Variants in CEP57 observed in about 807,000 individuals in gnomAD.
CEP57 encodes centrosomal protein 57.
CEP57 carries 40 observed loss-of-function variants against 68.0 expected under a neutral mutation model. That is an observed-to-expected ratio of 0.59 (90% CI 0.46 to 0.77). The LOEUF is 0.77. Ranked by LOEUF, CEP57 falls within the 30% of genes least tolerant of loss-of-function variation. CEP57 has a pLI of 0.00. For missense variants in CEP57, 606 were observed against 580.7 expected (o/e 1.04, Z -0.45); for synonymous variants, 219 against 198.7 (o/e 1.10, Z -0.86).
At chr11:95,822,148 C>T in intron 7 of CEP57, 170 bp downstream of exon 7, 2 of 630,126 alleles carry the variant, frequency 3.2e-6, no homozygotes, top group Non-Finnish European at 2.8e-6. Context: ...AATTTTTATC[C>T]TGATAGTGAG....
In CEP57 at chr11:95,814,197, C is replaced by T. The variant is rs561857988; in HGVS notation, c.504+608C>T. On this transcript the variant is annotated intron_variant, in intron 4 of 10. Coordinates refer to ENST00000325542, the MANE Select transcript of CEP57 (RefSeq NM_014679.5). ...CCTCCCGAGTAGCTGGGATTACAGG[C>T]GCATGCCACGATGCCCAGCTAACTT... Among the ~76,000 whole-genome samples, 4 of 152,050 alleles carry T rather than the reference C, an allele frequency of 2.6e-5. No individual in the cohort carries two copies. The South Asian group carries it at 6.2e-4, about 24-fold the overall frequency.
chr11:95,808,282 A>G (rs1861898989), intron 2 of CEP57, among the ~76,000 whole-genome samples: 1 of 152,194 alleles, frequency 6.6e-6, no homozygotes, highest in Non-Finnish European at 1.5e-5. Flanking sequence ...TGTAAAGACC[A>G]TCGAGACTAG....
At chr11:95,824,193 C>T (rs558300089) in intron 8 of CEP57, among the ~76,000 whole-genome samples, 2 of 151,466 alleles carry the variant, frequency 1.3e-5, no homozygotes, top group South Asian at 2.1e-4. Flanking sequence ...CTGTAGTAAG[C>T]GATGATGGCA....
Position 95,829,285 on chromosome 11 carries a change from A to G in CEP57, c.1226A>G (p.Glu409Gly). 1 of 1,614,124 alleles carries G rather than the reference A, an allele frequency of 6.2e-7. No individual in the cohort carries two copies. The highest frequency in any genetic ancestry group is 8.5e-7 in the Non-Finnish European group (1 of 1,180,002). The change falls in exon 10 of 11, where the codon GAA (glutamate) becomes GGA (glycine). Residue 409 changes from glutamate to glycine, a missense_variant. Coordinates refer to ENST00000325542, the MANE Select transcript of CEP57 (RefSeq NM_014679.5). ...TTGGAGGCATTAGTGGGAAGGATGG[A>G]AGCAAAAGCCAACCAAATAACTAAA... ...CELEALVGRM[E>G]AKANQITKVR...
At chr11:95,805,320 TA>T (rs1452975781) in intron 2 of CEP57, among the ~76,000 whole-genome samples, 1 of 152,214 alleles carries the variant, frequency 6.6e-6, no homozygotes, top group African/African-American at 2.4e-5. Flanking sequence ...ATTAATCTTA[TA>T]TTTAGGCTTC....
intron 1 of CEP57, chr11:95,795,520 C>G: frequency 2.0e-6 from 1 of 495,338 alleles, no homozygotes; most frequent in Non-Finnish European, 3.6e-6. Context: ...TCTTAGTGTG[C>G]AGACTAGGGA....
chr11:95,830,839 T>C (rs2135382915), intron 10 of CEP57, among the ~76,000 whole-genome samples, 187 bp from the exon 11 acceptor site: 1 of 151,726 alleles, frequency 6.6e-6, no homozygotes, highest in African/African-American at 2.4e-5. Context: ...TTATTTATAT[T>C]AATATTTAAG....
chr11:95,812,608 A>G (rs907848866), intron 2 of CEP57, among the ~76,000 whole-genome samples: 2 of 151,614 alleles, frequency 1.3e-5, no homozygotes, highest in African/African-American at 4.9e-5. Context: ...ATGCCTGCCT[A>G]ATTTTTTTTA....
chr11:95,794,551 T>C (rs1041532711), intron 1 of CEP57, among the ~76,000 whole-genome samples: 1 of 152,138 alleles, frequency 6.6e-6, no homozygotes, highest in South Asian at 2.1e-4. Context: ...TGCACCCTGT[T>C]TTTTTCAAAC....
intron 8 of CEP57, 133 bp from the exon 9 acceptor site, chr11:95,827,653 G>C (rs1385690304): frequency 4.0e-6 from 4 of 991,504 alleles, no homozygotes; most frequent in Non-Finnish European, 6.1e-6. Context: ...AGAACATCAT[G>C]ATGAGAATAA....
At chr11:95,830,512 A>G (rs1862955767) in intron 10 of CEP57, among the ~76,000 whole-genome samples, 2 of 152,346 alleles carry the variant, frequency 1.3e-5, no homozygotes, top group South Asian at 4.1e-4. Flanking sequence ...ATAATGGAAC[A>G]AAAATAAAAT....
chr11:95,818,720 C>G, intron 5 of CEP57, 107 bp from the exon 6 acceptor site: 1 of 843,580 alleles, frequency 1.2e-6, no homozygotes, highest in East Asian at 2.6e-5. Flanking sequence ...ATCTAACCAC[C>G]TTATATTGAG....
chr11:95,790,320 C>T (rs966225676), upstream of CEP57: 4 of 348,796 alleles, frequency 1.1e-5, no homozygotes, highest in African/African-American at 2.1e-5. Flanking sequence ...TGGAGGAGGC[C>T]CGACCCTCCG....
chr11:95,808,849 C>T lies in CEP57; in HGVS notation c.203-4083C>T, dbSNP rs186812770. Among the ~76,000 whole-genome samples, 13 of 152,254 alleles carry T rather than the reference C, an allele frequency of 8.5e-5. No individual in the cohort carries two copies. The East Asian group carries it at 9.6e-4, about 11-fold the overall frequency. ...GAATTGAACTTGGTTCTGCACCGAG[C>T]GAACCTAATAGACATCTACAGAACT... On this transcript the variant is annotated intron_variant, in intron 2 of 10. Transcript: ENST00000325542.
chr11:95,821,962 C>T lies in CEP57; in HGVS notation c.791C>T (p.Ser264Leu). The T allele has an allele frequency of 6.2e-7, 1 of 1,611,668 alleles. No homozygotes were observed. Among genetic ancestry groups the T allele is most frequent in the Non-Finnish European group, 8.5e-7 (1 of 1,178,672 alleles). Residue 264 changes from serine (S) to leucine (L), a missense_variant, in exon 7 of 11, where the codon TCA becomes TTA. Coordinates refer to ENST00000325542, the MANE Select transcript of CEP57 (RefSeq NM_014679.5). ...PNARRIKKKK[S>L]KPPEKKSSRN... ...GCAAGAAGAATTAAAAAAAAGAAGT[C>T]AAAACCACCAGAAAAGGTGTGAAGA...
At chr11:95,795,559 T>A in intron 1 of CEP57, 1 of 546,062 alleles carries the variant, frequency 1.8e-6, no homozygotes, top group Non-Finnish European at 3.3e-6. Flanking sequence ...CCAGAATTGA[T>A]GTAGGTATCT....
chr11:95,790,393 C>T, upstream of CEP57: 1 of 495,906 alleles, frequency 2.0e-6, no homozygotes, highest in East Asian at 3.5e-5. Context: ...CCCCGTTACG[C>T]GCTACCTTGT....
At position 95,831,597 on chromosome 11, in the gene CEP57, G is replaced by T. The variant is rs1863010212; in HGVS notation, c.*341G>T. 1 of 163,196 alleles carries T rather than the reference G, an allele frequency of 6.1e-6. No individual in the cohort carries two copies. The highest frequency in any genetic ancestry group is 1.3e-5 in the Non-Finnish European group (1 of 74,920). The allele number at this position is 163,196 out of a possible 1,614,324, so 10.1% of individuals were successfully genotyped here. On this transcript the variant is annotated 3_prime_UTR_variant, in exon 11 of 11. Transcript: ENST00000325542. ...AGTTCTTTATATATAATTAAAATTA[G>T]GTTTAAATTTTCAAAATATGAGACT...
At chr11:95,809,142 C>T (rs1394629250) in intron 2 of CEP57, among the ~76,000 whole-genome samples, 2 of 152,138 alleles carry the variant, frequency 1.3e-5, no homozygotes. Context: ...TAAAGATGTT[C>T]TTTGAAACCA....
Sources: allele counts gnomAD v4.1 joint callset (sites outside exome capture counted in the v4.1 genomes callset), GRCh38; gene constraint gnomAD v4.1.1; transcripts MANE v1.5; gene names NCBI Gene and HGNC (gene_info 2026-07-23, HGNC 2026-07-21).